Variants in LRRC8B observed in about 807,000 individuals in gnomAD.
The protein encoded by LRRC8B is volume-regulated anion channel subunit LRRC8B.
Under a neutral mutation model 58.8 loss-of-function variants are expected in LRRC8B, and 23 were observed. The observed-to-expected ratio is 0.39, with a 90% confidence interval of 0.28 to 0.55. The LOEUF is 0.55. Among genes scored for constraint, LRRC8B ranks in the 20% least tolerant of loss-of-function variants. LRRC8B has a pLI of 0.62. For missense variants in LRRC8B, 694 were observed against 936.0 expected, an observed-to-expected ratio of 0.74 and a Z score of 3.37; for synonymous variants, 359 against 374.1, an observed-to-expected ratio of 0.96 and a Z score of 0.47.
intron 5 of LRRC8B, among the ~76,000 whole-genome samples, chr1:89,591,922 G>T (rs2101108776): frequency 6.6e-6 from 1 of 152,242 alleles, no homozygotes; most frequent in East Asian, 1.9e-4. Flanking sequence ...GTCTATCTAT[G>T]CTGAGGCCAG....
At position 89,592,860 on chromosome 1, in the gene LRRC8B, T is replaced by C; in HGVS notation, c.2229T>C (p.His743=). ...GKNSLMNLSP[H]VGELSNLTHL... is the part of the protein sequence containing the mutation. ...ATAGCTTGATGAATTTGTCCCCTCA[T>C]GTGGGTGAGCTGTCAAACCTTACTC... is the stretch of plus-strand genomic sequence containing the variant. The change falls in exon 6 of 6, where the codon CAT becomes CAC. Residue 743 remains histidine, a synonymous_variant. Transcript: ENST00000330947. 11 of 1,614,118 alleles carry C rather than the reference T, an allele frequency of 6.8e-6. No individual in the cohort carries two copies. The South Asian group carries it at 8.8e-5, about 13-fold the overall frequency.
intron 1 of LRRC8B, among the ~76,000 whole-genome samples, chr1:89,540,373 C>T (rs1650867365): frequency 6.6e-6 from 1 of 152,164 alleles, no homozygotes; most frequent in Non-Finnish European, 1.5e-5. Context: ...TGGCTCTTTT[C>T]TTTTTACTTG....
intron 4 of LRRC8B, among the ~76,000 whole-genome samples, chr1:89,582,404 T>G (rs1570639443): frequency 1.3e-5 from 2 of 152,156 alleles, no homozygotes; most frequent in East Asian, 3.9e-4. Flanking sequence ...TCAGTATCAC[T>G]AAATGGTCCC....
intron 4 of LRRC8B, among the ~76,000 whole-genome samples, chr1:89,580,973 C>T (rs945518494): frequency 7.2e-5 from 11 of 152,040 alleles, no homozygotes; most frequent in African/African-American, 2.7e-4. Context: ...ATACCAGACC[C>T]CAGAAAGAGG....
Position 89,554,842 on chromosome 1 carries a change from C to A in LRRC8B, c.-240-13405C>A, listed in dbSNP as rs116571107. On this transcript the variant is annotated intron_variant, in intron 1 of 5. Coordinates refer to ENST00000330947, the MANE Select transcript of LRRC8B (RefSeq NM_001369817.2). ...AACTACACTTGTAGTTTTCTTGGCA[C>A]AGTCTTTTTGCCCTTCAAATTTGGT... Among the ~76,000 whole-genome samples the A allele has an allele frequency of 3.1e-3, 472 of 152,248 alleles. 1 individual carries two copies. Among genetic ancestry groups the A allele is most frequent in the Non-Finnish European group, 5.7e-3 (390 of 68,014 alleles).
At position 89,559,367 on chromosome 1, in the gene LRRC8B, G is replaced by C. The variant is rs570221774; in HGVS notation, c.-240-8880G>C. ...TCAGTTAAAATTAGTACTTCCTGCC[G>C]GGTGCGGTGGCTCATGCCTGTAATC... On this transcript the variant is annotated intron_variant, in intron 1 of 5. Transcript: ENST00000330947. Among the ~76,000 whole-genome samples, 9 of 152,010 alleles carry C rather than the reference G, an allele frequency of 5.9e-5. No individual in the cohort carries two copies. In the East Asian group the frequency reaches 1.2e-3, roughly 20 times the overall value.
At position 89,593,696 on chromosome 1, in the gene LRRC8B, T is replaced by A; in HGVS notation, c.*653T>A. Reference sequence around the variant, plus strand: ...GTATTCTCTCCTCTTCTTCCCCCAGTCCCCATTACTTATTTGCACACTTGT... The same window carrying A: ...GTATTCTCTCCTCTTCTTCCCCCAGACCCCATTACTTATTTGCACACTTGT... On this transcript the variant is annotated 3_prime_UTR_variant, in exon 6 of 6. Coordinates refer to ENST00000330947, the MANE Select transcript of LRRC8B (RefSeq NM_001369817.2). 1 of 152,234 alleles carries A rather than the reference T, an allele frequency of 6.6e-6. No individual in the cohort carries two copies. Among genetic ancestry groups the A allele is most frequent in the East Asian group, 1.9e-4 (1 of 5,198 alleles). 9.4% of individuals were successfully genotyped at this position (152,234 alleles called of 1,614,324 possible).
rs1654416948 is a variant in LRRC8B at position 89,583,748 on chromosome 1, T to C, written c.1098T>C (p.Phe366=). 5 of 1,614,102 alleles carry C rather than the reference T, an allele frequency of 3.1e-6. No homozygotes were observed. ...ACATCCCTGATGTCAAGAATGACTT[T>C]GCCTTCATCCTTCATCTGGCTGATC... The part of the protein sequence containing the change: ...YSDIPDVKND[F]AFILHLADQY... The change falls in exon 5 of 6, where the codon TTT becomes TTC. Residue 366 remains phenylalanine (F), a synonymous_variant. Coordinates refer to ENST00000330947, the MANE Select transcript of LRRC8B (RefSeq NM_001369817.2). The surrounding 1 kb of genome is among the most constrained non-coding windows in gnomAD (Gnocchi z 5.2).
Position 89,583,111 on chromosome 1 carries a change from C to T in LRRC8B, c.461C>T (p.Ala154Val). Residue 154 changes from alanine (A) to valine (V), a missense_variant, in exon 5 of 6, where the codon GCC (alanine) becomes GTC (valine). Ala to Val is a moderately conservative substitution (Grantham distance 64). Around this residue, in one of 5 missense-constraint regions of LRRC8B, gnomAD observed 316 missense variants for 403.8 expected, o/e 0.78. Coordinates refer to ENST00000330947, the MANE Select transcript of LRRC8B (RefSeq NM_001369817.2). This position sits in a 1 kb window ranked among gnomAD's most constrained non-coding sequence, Gnocchi z 5.2. The stretch of plus-strand genomic sequence containing the variant: ...AGTTCCAGGCTCGAGCATTTTGTGG[C>T]CATCCTTCACAAGTGCTTCGATTCT... ...STSSRLEHFV[A>V]ILHKCFDSPW... 6.2e-7 allele frequency: 1 copy of T among 1,614,124 alleles called. No individual in the cohort carries two copies. Among genetic ancestry groups the T allele is most frequent in the East Asian group, 2.2e-5 (1 of 44,884 alleles).
intron 5 of LRRC8B, among the ~76,000 whole-genome samples, chr1:89,587,687 G>A (rs534142628): frequency 6.6e-6 from 1 of 152,224 alleles, no homozygotes; most frequent in Non-Finnish European, 1.5e-5. Flanking sequence ...CTTGGGCAGC[G>A]TATCAGGTTT....
intron 1 of LRRC8B, among the ~76,000 whole-genome samples, chr1:89,550,297 C>G (rs868463391): frequency 4.6e-5 from 7 of 152,154 alleles, no homozygotes; most frequent in Non-Finnish European, 1.0e-4. Flanking sequence ...GATCTCCTCC[C>G]TATGTGTATT....
At chr1:89,535,511 C>G (rs1052107044) in intron 1 of LRRC8B, among the ~76,000 whole-genome samples, 1 of 152,272 alleles carries the variant, frequency 6.6e-6, no homozygotes, top group African/African-American at 2.4e-5. Flanking sequence ...CAGCGAAGAG[C>G]AAGACCCTCT....
chr1:89,556,459 G>C (rs983622259), intron 1 of LRRC8B, among the ~76,000 whole-genome samples: 1 of 152,074 alleles, frequency 6.6e-6, no homozygotes, highest in Admixed American at 6.6e-5. Context: ...TTATAGTCAA[G>C]TCAAACAGAA....
At position 89,583,486 on chromosome 1, in the gene LRRC8B, T is replaced by C. The variant is rs1330769293; in HGVS notation, c.836T>C (p.Phe279Ser). 1 of 1,613,928 alleles carries C rather than the reference T, an allele frequency of 6.2e-7. No homozygotes were observed. The highest frequency in any genetic ancestry group is 8.5e-7 in the Non-Finnish European group (1 of 1,180,016). Residue 279 changes from phenylalanine (F) to serine (S), a missense_variant, in exon 5 of 6, where the codon TTT (phenylalanine) becomes TCT (serine). By Grantham distance (155) the Phe-to-Ser change is radical (BLOSUM62 -2). This residue lies in a region of LRRC8B where 316 missense variants were observed against 403.8 expected (regional missense o/e 0.78). Coordinates refer to ENST00000330947, the MANE Select transcript of LRRC8B (RefSeq NM_001369817.2). This position sits in a 1 kb window ranked among gnomAD's most constrained non-coding sequence, Gnocchi z 5.2. ...CTCATCATAACTTATGTTCCATATT[T>C]TTTAACCCACATCACTCTTGAAATC... ...FVLIITYVPY[F>S]LTHITLEIDC...
At chr1:89,541,798 G>A (rs1014103672) in intron 1 of LRRC8B, among the ~76,000 whole-genome samples, 1 of 144,470 alleles carries the variant, frequency 6.9e-6, no homozygotes, top group Non-Finnish European at 1.5e-5. Context: ...AAGGCAGATG[G>A]TAGGCAGGAT....
At chr1:89,532,770 G>T (rs888402762) in intron 1 of LRRC8B, among the ~76,000 whole-genome samples, 1 of 152,128 alleles carries the variant, frequency 6.6e-6, no homozygotes, top group Non-Finnish European at 1.5e-5. Flanking sequence ...CATAAAATGG[G>T]GATAATAATG....
rs1653183345 is a variant in LRRC8B at position 89,568,251 on chromosome 1, T to C, written c.-236T>C. On this transcript the variant is annotated 5_prime_UTR_variant, in exon 2 of 6. Transcript: ENST00000330947. ...GTGATTTGTTTCTCTCCCTAGGTAA[T>C]AGTTAACCTCTTCTGTGAGAAGTCA... 6.6e-6 allele frequency: 1 copy of C among 152,162 alleles called. No individual in the cohort carries two copies. The highest frequency in any genetic ancestry group is 1.5e-5 in the Non-Finnish European group (1 of 67,976). 9.4% of individuals were successfully genotyped at this position (152,162 alleles called of 1,614,324 possible).
chr1:89,537,480 G>C (rs1193282000), intron 1 of LRRC8B, among the ~76,000 whole-genome samples: 2 of 151,998 alleles, frequency 1.3e-5, no homozygotes, highest in East Asian at 3.9e-4. Context: ...GTTTTGTTTT[G>C]TTTTAATTTT....
At chr1:89,534,227 A>T (rs1029181891) in intron 1 of LRRC8B, among the ~76,000 whole-genome samples, 4 of 152,194 alleles carry the variant, frequency 2.6e-5, no homozygotes, top group Admixed American at 6.6e-5. Context: ...GAAATTTTTC[A>T]TCATAATTTT....
Sources: gnomAD v4.1 joint callset for allele counts (sites outside exome capture counted in the v4.1 genomes callset) on GRCh38, gnomAD v4.1.1 for gene constraint, gnomAD v4.1.1 regional missense constraint, Gnocchi (gnomAD v3.1) non-coding constraint, MANE v1.5 for transcripts, NCBI Gene and HGNC (gene_info 2026-07-23, HGNC 2026-07-21) for gene names.